The following PRKDC variants were observed in gnomAD, a reference collection of about 807,000 sequenced individuals.
PRKDC encodes protein kinase, DNA-activated, catalytic subunit, also known as DNA-dependent protein kinase catalytic subunit.
Under a neutral mutation model 486.9 loss-of-function variants are expected in PRKDC, and 82 were observed. The observed-to-expected ratio is 0.17, with a 90% confidence interval of 0.14 to 0.20. The LOEUF (loss-of-function observed/expected upper bound fraction) is 0.20. Ranked by LOEUF, PRKDC falls within the 10% of genes least tolerant of loss-of-function variation. The pLI is 1.00. For synonymous variants in PRKDC, 1,895 were observed against 1,837.0 expected, an observed-to-expected ratio of 1.03 and a Z score of -0.81; for missense variants, 4,504 against 5,038.2, an observed-to-expected ratio of 0.89 and a Z score of 3.21.
In PRKDC at chr8:47,777,328, C is replaced by A. The variant is rs180853182; in HGVS notation, c.12043-345G>T. ...GTTTCAAGCCATTCTCCTGCCTCAG[C>A]CTCCCAAGGAGCTGGGATTACAGGT... is the stretch of plus-strand genomic sequence containing the variant. On this transcript the variant is annotated intron_variant, in intron 84 of 85. Transcript: ENST00000314191. 2.4e-3 allele frequency among the ~76,000 whole-genome samples: 371 copies of A among 152,188 alleles called. 2 individuals are homozygous for A. The highest frequency in any genetic ancestry group is 8.5e-3 in the African/African-American group (352 of 41,522).
At chr8:47,804,351 G>A (rs2087174653) in intron 69 of PRKDC, among the ~76,000 whole-genome samples, 1 of 148,656 alleles carries the variant, frequency 6.7e-6, no homozygotes, top group Admixed American at 6.8e-5. Flanking sequence ...CCAGGCTGGA[G>A]TGCAATGGCA....
At position 47,893,257 on chromosome 8, in the gene PRKDC, G is replaced by A; in HGVS notation, c.3729C>T (p.Tyr1243=). The change falls in exon 31 of 86, where the codon TAC becomes TAT. Residue 1243 remains tyrosine (Y), a synonymous_variant. Coordinates refer to ENST00000314191, the MANE Select transcript of PRKDC (RefSeq NM_006904.7). ...CCTGCAGGCTGAATGGCCCCCGAAG[G>A]TACAAGAGGGTGGGCTGGGCCAGGA... ...SGILAQPTLL[Y]LRGPFSLQAT... The A allele has an allele frequency of 6.2e-7, 1 of 1,612,372 alleles. No homozygotes were observed. The highest frequency in any genetic ancestry group is 8.5e-7 in the Non-Finnish European group (1 of 1,179,092).
chr8:47,788,266 G>A (rs989598609), intron 76 of PRKDC, among the ~76,000 whole-genome samples: 17 of 152,206 alleles, frequency 1.1e-4, no homozygotes, highest in African/African-American at 3.1e-4. Flanking sequence ...CAAGCCCAAG[G>A]GCAAGTCTCC....
rs573188236 is a variant in PRKDC, at chr8:47,825,901, T to G, written c.8783+755A>C. On this transcript the variant is annotated intron_variant, in intron 63 of 85. Coordinates refer to ENST00000314191, the MANE Select transcript of PRKDC (RefSeq NM_006904.7). Reference sequence around the variant, plus strand: ...AAAGTACATACATTTCCTACTAGATTGCTAGTTTTGTGAGTCTGTGATCAA... The same window carrying G: ...AAAGTACATACATTTCCTACTAGATGGCTAGTTTTGTGAGTCTGTGATCAA... Among the ~76,000 whole-genome samples the G allele has an allele frequency of 1.9e-4, 29 of 152,366 alleles. 3 individuals carry two copies. The highest frequency in any genetic ancestry group is 6.5e-4 in the African/African-American group (27 of 41,580).
chr8:47,826,727 C>A lies in PRKDC; in HGVS notation c.8712G>T (p.Glu2904Asp), dbSNP rs754868531. Reference sequence around the variant, plus strand: ...TCCCACGGACTCGCTTGGCAGGCAGCTCAGCAGGCAGCAGGCGGAGCAGAG... The same window carrying A: ...TCCCACGGACTCGCTTGGCAGGCAGATCAGCAGGCAGCAGGCGGAGCAGAG... ...EEALLRLLPA[E>D]LPAKRVRGKA... Residue 2904 changes from glutamate to aspartate, a missense_variant, in exon 63 of 86, where the codon GAG (glutamate) becomes GAT (aspartate). Transcript: ENST00000314191. 2 of 1,613,264 alleles carry A rather than the reference C, an allele frequency of 1.2e-6. No homozygotes were observed.
At chr8:47,841,579 C>T (rs1310966639) in intron 54 of PRKDC, among the ~76,000 whole-genome samples, 1 of 152,232 alleles carries the variant, frequency 6.6e-6, no homozygotes, top group Non-Finnish European at 1.5e-5. Context: ...GGCCTGGTCT[C>T]AGCCCCCCAG....
At chr8:47,843,550 C>T (rs572387871) in intron 54 of PRKDC, among the ~76,000 whole-genome samples, 48 of 152,070 alleles carry the variant, frequency 3.2e-4, no homozygotes, top group Non-Finnish European at 6.2e-4. Flanking sequence ...ATTCATAGAA[C>T]CCCTGTGACA....
chr8:47,834,124 T>C (rs2087951055), intron 59 of PRKDC, 72 bp downstream of exon 59: 2 of 1,558,286 alleles, frequency 1.3e-6, no homozygotes, highest in Non-Finnish European at 8.8e-7. Context: ...CAGTCAGAAA[T>C]GTCCCCAGAC....
intron 54 of PRKDC, 64 bp from the exon 55 acceptor site, chr8:47,840,253 G>A (rs1363798993): frequency 6.7e-6 from 9 of 1,336,094 alleles, no homozygotes; most frequent in Non-Finnish European, 8.2e-6. Context: ...TTCAAAGTAT[G>A]ACAGGCAACT....
intron 36 of PRKDC, among the ~76,000 whole-genome samples, chr8:47,885,632 C>T (rs1290960164): frequency 1.3e-5 from 2 of 152,248 alleles, no homozygotes; most frequent in East Asian, 3.9e-4. Context: ...GTGGCTCACG[C>T]CTGTAATCCC....
rs772261211 is a variant in PRKDC at position 47,939,575 on chromosome 8, G to A, written c.1089C>T (p.Ile363=). 132 of 1,613,488 alleles carry A rather than the reference G, an allele frequency of 8.2e-5. No individual in the cohort carries two copies. The East Asian group carries it at 2.9e-3, about 36-fold the overall frequency. The change falls in exon 11 of 86, where the codon ATC becomes ATT. Residue 363 remains isoleucine, a synonymous_variant. Transcript: ENST00000314191. ...DSNNKELSIA[I]RGYGLFAGPC... is the part of the protein sequence containing the mutation. ...CTCCTGCAAAAAGTCCATATCCACG[G>A]ATAGCAATAGATAACTCCTTGTTGT... is the stretch of plus-strand genomic sequence containing the variant.
intron 35 of PRKDC, among the ~76,000 whole-genome samples, chr8:47,886,839 C>T (rs2089344559): frequency 1.3e-5 from 2 of 152,124 alleles, no homozygotes; most frequent in Middle Eastern, 6.8e-3. Context: ...AAGCATGTGC[C>T]ACCATACCTG....
intron 21 of PRKDC, among the ~76,000 whole-genome samples, chr8:47,921,911 G>A (rs138763717): frequency 2.2e-3 from 342 of 152,214 alleles, no homozygotes; most frequent in African/African-American, 7.5e-3. Flanking sequence ...CTCCCGAGTA[G>A]CCGGGATTAC....
Position 47,821,588 on chromosome 8 carries a change from A to C in PRKDC, c.9111+16T>G. ...CTAAAATAATTATTTCAATCACTTA[A>C]AATAATTTTACCCACCTGATAAAAT... is the stretch of plus-strand genomic sequence containing the variant. On this transcript the variant is annotated intron_variant, in intron 65 of 85. Transcript: ENST00000314191. 1 of 1,572,858 alleles carries C rather than the reference A, an allele frequency of 6.4e-7. No homozygotes were observed. Among genetic ancestry groups the C allele is most frequent in the Non-Finnish European group, 8.7e-7 (1 of 1,155,902 alleles).
intron 39 of PRKDC, among the ~76,000 whole-genome samples, chr8:47,879,167 A>G (rs2089153758): frequency 6.6e-6 from 1 of 152,220 alleles, no homozygotes; most frequent in Admixed American, 6.5e-5. Flanking sequence ...TCACAATTAA[A>G]AATGGGAGAA....
chr8:47,949,870 C>G (rs759821445), intron 7 of PRKDC, among the ~76,000 whole-genome samples: 9 of 152,048 alleles, frequency 5.9e-5, no homozygotes, highest in Non-Finnish European at 1.0e-4. Context: ...GAAACTGCTG[C>G]CTACATAGGT....
intron 16 of PRKDC, among the ~76,000 whole-genome samples, chr8:47,932,708 C>T (rs1472327993): frequency 3.3e-5 from 5 of 152,064 alleles, no homozygotes; most frequent in Non-Finnish European, 4.4e-5. Flanking sequence ...CATACAAAGT[C>T]ATTTCTACAT....
chr8:47,821,037 C>T (rs1589719995), intron 65 of PRKDC, 94 bp from the exon 66 acceptor site: 1 of 775,776 alleles, frequency 1.3e-6, no homozygotes, highest in East Asian at 2.9e-5. Context: ...TATACTTTCA[C>T]AGGTCAAGAT....
At chr8:47,774,750 A>G (rs1589686030) in intron 85 of PRKDC, among the ~76,000 whole-genome samples, 1 of 152,186 alleles carries the variant, frequency 6.6e-6, no homozygotes, top group Admixed American at 6.5e-5. Flanking sequence ...CTACATCCTC[A>G]ACACTTGTTA....
Sources: allele counts gnomAD v4.1 joint callset (sites outside exome capture counted in the v4.1 genomes callset), GRCh38; gene constraint gnomAD v4.1.1; transcripts MANE v1.5; gene names NCBI Gene and HGNC (gene_info 2026-07-23, HGNC 2026-07-21).